EXOSC9: variants seen among roughly 807,000 people sequenced by gnomAD.
EXOSC9 encodes the protein exosome component 9.
A neutral mutation model predicts 56.5 loss-of-function variants in EXOSC9; 38 were observed. That is an observed-to-expected ratio of 0.67 (90% CI 0.52 to 0.88). The LOEUF is 0.88. Among genes scored for constraint, EXOSC9 ranks in the 40% least tolerant of loss-of-function variants. EXOSC9 has a pLI of 0.00. For missense variants in EXOSC9, 559 were observed against 530.5 expected, an observed-to-expected ratio of 1.05 and a Z score of -0.53; for synonymous variants, 170 against 170.8, an observed-to-expected ratio of 0.99 and a Z score of 0.04.
At position 121,810,107 on chromosome 4, in the gene EXOSC9, CT is replaced by C. The variant is rs747845432; in HGVS notation, c.738+11del. On this transcript the variant is annotated intron_variant, in intron 7 of 11. Transcript: ENST00000243498. The stretch of plus-strand genomic sequence containing the variant: ...ATGCTACTAAAAGATCAAGTTAGTG[CT>C]TTGATTAATGTCCCATTAATAATAG... The C allele has an allele frequency of 3.7e-6, 6 of 1,610,752 alleles. No homozygotes were observed. In the East Asian group the frequency reaches 1.3e-4, roughly 36 times the overall value.
At position 121,817,010 on chromosome 4, in the gene EXOSC9, CCTT is replaced by C. The variant is rs1482266846; in HGVS notation, c.*157_*159del. 2.5e-5 allele frequency: 18 copies of C among 724,024 alleles called. No individual in the cohort carries two copies. The highest frequency in any genetic ancestry group is 3.8e-5 in the Non-Finnish European group (18 of 471,370). The allele number at this position is 724,024 out of a possible 1,614,324, so 44.8% of individuals were successfully genotyped here. A position where few individuals can be genotyped will look rare whatever the true frequency, so the allele number is the denominator to read the frequency against. ...TTTTAATGTGCTTTAAAATAATAAA[CCTT>C]CTGGAGCATTTCTCGTCTGTTAATT... On this transcript the variant is annotated 3_prime_UTR_variant, in exon 12 of 12. Transcript: ENST00000243498.
In EXOSC9 at chr4:121,816,971, A is replaced by T; in HGVS notation, c.*115A>T. On this transcript the variant is annotated 3_prime_UTR_variant, in exon 12 of 12. Transcript: ENST00000243498. ...ATTATAAAATCTAGCAGGATTTTAA[A>T]AATAGTTTTTTGTTTTTAATGTGCT... The T allele has an allele frequency of 8.9e-7, 1 of 1,117,520 alleles. No individual in the cohort carries two copies. Among genetic ancestry groups the T allele is most frequent in the Non-Finnish European group, 1.2e-6 (1 of 824,688 alleles). 69.2% of individuals were successfully genotyped at this position (1,117,520 alleles called of 1,614,324 possible). A position where few individuals can be genotyped will look rare whatever the true frequency, so the allele number is the denominator to read the frequency against.
In EXOSC9 at chr4:121,813,957, G is replaced by T; in HGVS notation, c.1066G>T (p.Glu356Ter). The change falls in exon 10 of 12, where the codon GAA becomes TAA. Residue 356 changes from glutamate (E) to a stop codon, truncating the protein, a stop_gained. Transcript: ENST00000243498. LOFTEE classifies it high-confidence loss of function. ...SWGDLEDSEK[E>*]DDEGGGDQAI... ...GGGTGATCTTGAAGACTCTGAGAAG[G>T]AAGATGATGAAGGCGGTGGTGATCA... 6.2e-7 allele frequency: 1 copy of T among 1,613,658 alleles called. No individual in the cohort carries two copies. The highest frequency in any genetic ancestry group is 1.1e-5 in the South Asian group (1 of 91,072).
chr4:121,801,363 G>A lies in EXOSC9; in HGVS notation c.-62G>A, dbSNP rs1350783861. On this transcript the variant is annotated 5_prime_UTR_variant, in exon 1 of 12. Transcript: ENST00000243498. Reference sequence around the variant, plus strand: ...CTCGGGGCGAGCAGCGGCGCGCAAGGAAAGATCGGGTTCCGTTTTTCCCGC... The same window carrying A: ...CTCGGGGCGAGCAGCGGCGCGCAAGAAAAGATCGGGTTCCGTTTTTCCCGC... The A allele has an allele frequency of 4.0e-6, 6 of 1,505,636 alleles. No individual in the cohort carries two copies. The East Asian group carries it at 9.0e-5, about 23-fold the overall frequency. 93.3% of individuals were successfully genotyped at this position (1,505,636 alleles called of 1,614,324 possible).
rs755224300 is a variant in EXOSC9, at chr4:121,802,741, T to A, written c.229T>A (p.Phe77Ile). 1.2e-6 allele frequency: 2 copies of A among 1,614,188 alleles called. No homozygotes were observed. Among genetic ancestry groups the A allele is most frequent in the Non-Finnish European group, 1.7e-6 (2 of 1,180,010 alleles). The change falls in exon 3 of 12, where the codon TTT becomes ATT. Residue 77 changes from phenylalanine to isoleucine, a missense_variant. By Grantham distance (21) the Phe-to-Ile change is conservative. Coordinates refer to ENST00000243498, the MANE Select transcript of EXOSC9 (RefSeq NM_005033.3). ...KLNRATEGIL[F>I]FNLELSQMAA... ...CAATCGGGCAACAGAAGGTATTCTT[T>A]TTTTTAACCTTGAACTCTCTCAGAT...
intron 6 of EXOSC9, among the ~76,000 whole-genome samples, chr4:121,809,342 T>C (rs1727138105): frequency 6.6e-6 from 1 of 152,056 alleles, no homozygotes; most frequent in Admixed American, 6.5e-5. Flanking sequence ...AAAATTAATT[T>C]TTATATATTT....
intron 5 of EXOSC9, among the ~76,000 whole-genome samples, chr4:121,805,841 C>T (rs1341704471): frequency 6.0e-5 from 9 of 149,648 alleles, no homozygotes; most frequent in Non-Finnish European, 1.3e-4. Context: ...GATCTCACTC[C>T]GTTGTCCAGG....
chr4:121,803,934 G>C (rs1026848980), intron 4 of EXOSC9, among the ~76,000 whole-genome samples: 3 of 152,070 alleles, frequency 2.0e-5, no homozygotes, highest in Non-Finnish European at 2.9e-5. Flanking sequence ...CTTCCTATTT[G>C]CATTACTTGT....
At chr4:121,812,058 G>A (rs1278976539) in intron 8 of EXOSC9, among the ~76,000 whole-genome samples, 2 of 152,152 alleles carry the variant, frequency 1.3e-5, no homozygotes, top group East Asian at 3.9e-4. Flanking sequence ...GCTAAAATTA[G>A]GTTCACGTTT....
intron 11 of EXOSC9, 140 bp from the exon 12 acceptor site, chr4:121,816,632 T>C: frequency 1.1e-6 from 1 of 903,982 alleles, no homozygotes; most frequent in Non-Finnish European, 1.6e-6. Flanking sequence ...CCTAAATCTA[T>C]AATATAAACT....
At chr4:121,814,861 T>TA (rs1560628619) in intron 10 of EXOSC9, 1 of 152,168 alleles carries the variant, frequency 6.6e-6, no homozygotes, top group South Asian at 2.1e-4. Context: ...TTCTACTTTT[T>TA]AAAAAAAGCA....
intron 5 of EXOSC9, among the ~76,000 whole-genome samples, chr4:121,805,372 T>C (rs759116602): frequency 3.2e-4 from 48 of 152,232 alleles, no homozygotes; most frequent in Non-Finnish European, 6.0e-4. Context: ...TCTTTATCTT[T>C]TGTTCTGAGT....
chr4:121,813,116 CTT>C, intron 8 of EXOSC9, 116 bp from the exon 9 acceptor site: 2 of 927,370 alleles, frequency 2.2e-6, no homozygotes, highest in Non-Finnish European at 1.6e-6. Flanking sequence ...AACTAACTCT[CTT>C]CCAATATTTT....
chr4:121,813,348 A>C lies in EXOSC9; in HGVS notation c.942A>C (p.Glu314Asp). The C allele has an allele frequency of 6.2e-7, 1 of 1,613,498 alleles. No individual in the cohort carries two copies. The highest frequency in any genetic ancestry group is 8.5e-7 in the Non-Finnish European group (1 of 1,179,782). Residue 314 changes from glutamate to aspartate, a missense_variant, in exon 9 of 12, where the codon GAA becomes GAC. Physicochemically the swap from Glu to Asp is conservative, Grantham distance 45. Coordinates refer to ENST00000243498, the MANE Select transcript of EXOSC9 (RefSeq NM_005033.3). ...DTSDVEEKAE[E>D]IIAEAEPPSE... is the part of the protein sequence containing the mutation. ...CGGATGTAGAAGAAAAAGCAGAAGA[A>C]ATCATTGCTGAAGCAGAACCTCCTT...
rs200440088 is a variant in EXOSC9, at chr4:121,814,069, A to ATTT, written c.1156+22_1156+23insTTT. 7.7e-3 allele frequency: 9,337 copies of ATTT among 1,216,068 alleles called. 726 individuals carry two copies. In the East Asian group the frequency reaches 0.18, roughly 23 times the overall value. The allele number at this position is 1,216,068 out of a possible 1,614,324, so 75.3% of individuals were successfully genotyped here. A position where few individuals can be genotyped will look rare whatever the true frequency, so the allele number is the denominator to read the frequency against. On this transcript the variant is annotated intron_variant, in intron 10 of 11. Coordinates refer to ENST00000243498, the MANE Select transcript of EXOSC9 (RefSeq NM_005033.3). Reference sequence around the variant, plus strand: ...CAAGGTAGGTGACACTTTATGGCACACTTACTATATATTACATACATATAG... The same window carrying ATTT: ...CAAGGTAGGTGACACTTTATGGCACATTTCTTACTATATATTACATACATATAG...
chr4:121,809,921 G>A (rs765982524), intron 6 of EXOSC9, 46 bp from the exon 7 acceptor site: 9 of 1,609,828 alleles, frequency 5.6e-6, no homozygotes, highest in Non-Finnish European at 6.8e-6. Flanking sequence ...GAAATGGTAA[G>A]CATTCGGTCT....
In EXOSC9 at chr4:121,811,554, T is replaced by C. The variant is rs755106879; in HGVS notation, c.739-29T>C. The C allele has an allele frequency of 2.9e-6, 4 of 1,361,230 alleles. No individual in the cohort carries two copies. In the African/African-American group the frequency reaches 4.4e-5, roughly 15 times the overall value. 84.3% of individuals were successfully genotyped at this position (1,361,230 alleles called of 1,614,324 possible). ...AGAAAACTATTTGGTTTATTGTCTT[T>C]AAACAACAGAATTCACTTTTATAAA... On this transcript the variant is annotated intron_variant, in intron 7 of 11. Coordinates refer to ENST00000243498, the MANE Select transcript of EXOSC9 (RefSeq NM_005033.3).
Position 121,802,735 on chromosome 4 carries a change from ATTC to A in EXOSC9, c.226_228del (p.Leu76del). The stretch of plus-strand genomic sequence containing the variant: ...AAAACTCAATCGGGCAACAGAAGGT[ATTC>A]TTTTTTTTAACCTTGAACTCTCTCA... On this transcript the variant is annotated inframe_deletion, in exon 3 of 12. Transcript: ENST00000243498. 6.2e-7 allele frequency: 1 copy of A among 1,614,006 alleles called. No homozygotes were observed. The highest frequency in any genetic ancestry group is 1.3e-5 in the African/African-American group (1 of 75,020).
chr4:121,804,560 C>T, intron 4 of EXOSC9, 62 bp from the exon 5 acceptor site: 2 of 1,075,372 alleles, frequency 1.9e-6, no homozygotes, highest in South Asian at 1.8e-5. Context: ...GTTACTTTTC[C>T]TGATAAATAG....
Sources: gnomAD v4.1 joint callset for allele counts (sites outside exome capture counted in the v4.1 genomes callset) on GRCh38, gnomAD v4.1.1 for gene constraint, MANE v1.5 for transcripts, NCBI Gene and HGNC (gene_info 2026-07-23, HGNC 2026-07-21) for gene names.